Variants in SEMA5A observed in about 807,000 individuals in gnomAD.
The protein encoded by SEMA5A is semaphorin 5A, also known as semaphorin-5A.
SEMA5A carries 55 observed loss-of-function variants against 135.5 expected under a neutral mutation model. The ratio of observed to expected loss-of-function variants is 0.41; its 90% confidence interval spans 0.33 to 0.51. The LOEUF is 0.51. Ranked by LOEUF, SEMA5A falls within the 20% of genes least tolerant of loss-of-function variation. SEMA5A has a pLI of 0.37. For synonymous variants in SEMA5A, 580 were observed against 546.5 expected (o/e 1.06, Z -0.85); for missense variants, 1,290 against 1,419.9 (o/e 0.91, Z 1.47).
chr5:9,442,891 C>A (rs902199186), intron 1 of SEMA5A, among the ~76,000 whole-genome samples: 1 of 152,068 alleles, frequency 6.6e-6, no homozygotes, highest in Non-Finnish European at 1.5e-5. Flanking sequence ...AACTAAATGA[C>A]GAAAATCAGA....
At chr5:9,102,826 G>T (rs1282148843) in intron 16 of SEMA5A, among the ~76,000 whole-genome samples, 1 of 152,128 alleles carries the variant, frequency 6.6e-6, no homozygotes, top group Non-Finnish European at 1.5e-5. Flanking sequence ...GGCAGATGAG[G>T]CTATATGCAG....
intron 8 of SEMA5A, among the ~76,000 whole-genome samples, chr5:9,205,482 T>G (rs1745964179): frequency 6.6e-6 from 1 of 152,160 alleles, no homozygotes; most frequent in Non-Finnish European, 1.5e-5. Context: ...TTCTGTACCC[T>G]GTGTCTGTTC....
intron 3 of SEMA5A, among the ~76,000 whole-genome samples, chr5:9,363,761 C>G (rs1197061937): frequency 2.6e-5 from 4 of 152,178 alleles, no homozygotes; most frequent in African/African-American, 9.7e-5. Context: ...CTTGCCTCCC[C>G]TAAACATCAG....
At chr5:9,388,749 A>G (rs903040109) in intron 2 of SEMA5A, among the ~76,000 whole-genome samples, 3 of 152,076 alleles carry the variant, frequency 2.0e-5, no homozygotes, top group Non-Finnish European at 2.9e-5. Flanking sequence ...AATACAAAAA[A>G]TTAGCCGGGC....
At chr5:9,386,298 T>C (rs530377817) in intron 2 of SEMA5A, among the ~76,000 whole-genome samples, 22 of 152,026 alleles carry the variant, frequency 1.4e-4, no homozygotes, top group African/African-American at 5.3e-4. Context: ...AAAGATGGGG[T>C]CCAGTGCATG....
chr5:9,253,329 G>T (rs573255700), intron 5 of SEMA5A, among the ~76,000 whole-genome samples: 48 of 152,018 alleles, frequency 3.2e-4, no homozygotes, highest in African/African-American at 1.1e-3. Flanking sequence ...TTTACTCAAG[G>T]ACAGCTGATT....
intron 5 of SEMA5A, among the ~76,000 whole-genome samples, chr5:9,251,975 T>C (rs751845465): frequency 1.1e-4 from 17 of 152,168 alleles, no homozygotes; most frequent in Non-Finnish European, 2.2e-4. Context: ...ATGGATGGCC[T>C]GGGATTATGA....
chr5:9,503,041 G>A (rs1735676222), intron 1 of SEMA5A, among the ~76,000 whole-genome samples: 1 of 152,152 alleles, frequency 6.6e-6, no homozygotes, highest in Admixed American at 6.5e-5. Flanking sequence ...TGATAGCACA[G>A]GGAATACATG....
chr5:9,274,399 C>A (rs1750147242), intron 5 of SEMA5A, among the ~76,000 whole-genome samples: 1 of 152,248 alleles, frequency 6.6e-6, no homozygotes. Flanking sequence ...TATTTTAACA[C>A]CCCACAGTCA....
intron 5 of SEMA5A, among the ~76,000 whole-genome samples, chr5:9,291,610 A>C (rs1430568612): frequency 6.9e-6 from 1 of 144,284 alleles, no homozygotes; most frequent in Non-Finnish European, 1.6e-5. Flanking sequence ...AGAGAAAGAG[A>C]GAGAGAGAGA....
chr5:9,114,489 A>C (rs1349775193), intron 15 of SEMA5A, among the ~76,000 whole-genome samples: 1 of 152,170 alleles, frequency 6.6e-6, no homozygotes, highest in East Asian at 1.9e-4. Context: ...GTAAAAGCAC[A>C]GTAAAAACTT....
At chr5:9,510,294 A>C (rs990590223) in intron 1 of SEMA5A, among the ~76,000 whole-genome samples, 1 of 152,212 alleles carries the variant, frequency 6.6e-6, no homozygotes, top group African/African-American at 2.4e-5. Flanking sequence ...GACAGTAATA[A>C]TACAACAAAC....
At position 9,204,287 on chromosome 5, in the gene SEMA5A, G is replaced by A. The variant is rs1388013658; in HGVS notation, c.647-2047C>T. Reference sequence around the variant, plus strand: ...AAGGGTCCAAGTGTGTCTAGCCCGGGACTTAGGTTACCAGCACACATGCAG... The same window carrying A: ...AAGGGTCCAAGTGTGTCTAGCCCGGAACTTAGGTTACCAGCACACATGCAG... On this transcript the variant is annotated intron_variant, in intron 8 of 22. Coordinates refer to ENST00000382496, the MANE Select transcript of SEMA5A (RefSeq NM_003966.3). This position sits in a 1 kb window ranked among gnomAD's most constrained non-coding sequence, Gnocchi z 6.4. Among the ~76,000 whole-genome samples, 1 of 152,106 alleles carries A rather than the reference G, an allele frequency of 6.6e-6. No homozygotes were observed. Among genetic ancestry groups the A allele is most frequent in the Non-Finnish European group, 1.5e-5 (1 of 68,026 alleles).
In SEMA5A at chr5:9,036,799, CA is replaced by C. The variant is rs1477570954; in HGVS notation, c.*6097del. ...TCCTTCTAATTAGACCAATAATATC[CA>C]CATGAAATGATAAATGATCATCTTA... On this transcript the variant is annotated 3_prime_UTR_variant, in exon 23 of 23. Transcript: ENST00000382496. 6.6e-6 allele frequency: 1 copy of C among 152,462 alleles called. No individual in the cohort carries two copies. The highest frequency in any genetic ancestry group is 1.5e-5 in the Non-Finnish European group (1 of 68,018). 9.4% of individuals were successfully genotyped at this position (152,462 alleles called of 1,614,324 possible).
chr5:9,180,398 C>G (rs1744438836), intron 11 of SEMA5A, among the ~76,000 whole-genome samples: 1 of 152,016 alleles, frequency 6.6e-6, no homozygotes, highest in African/African-American at 2.4e-5. Flanking sequence ...TAATGTACCC[C>G]CTTCAGTTGA....
intron 11 of SEMA5A, among the ~76,000 whole-genome samples, chr5:9,165,602 T>C (rs1232954132): frequency 1.3e-5 from 2 of 152,206 alleles, no homozygotes; most frequent in Non-Finnish European, 2.9e-5. Flanking sequence ...TTATTTCCAG[T>C]TGTGCATTTG....
chr5:9,230,792 A>G (rs1362014286), intron 6 of SEMA5A, among the ~76,000 whole-genome samples: 2 of 152,184 alleles, frequency 1.3e-5, no homozygotes, highest in Non-Finnish European at 2.9e-5. Context: ...AGCCTTAACT[A>G]GAGGTCTGAG....
chr5:9,267,216 C>T (rs1458899609), intron 5 of SEMA5A, among the ~76,000 whole-genome samples: 1 of 151,742 alleles, frequency 6.6e-6, no homozygotes, highest in Non-Finnish European at 1.5e-5. Context: ...GGAAGAATTT[C>T]AGCTGAGAAG....
intron 1 of SEMA5A, among the ~76,000 whole-genome samples, chr5:9,443,289 C>G (rs1430577457): frequency 6.6e-6 from 1 of 151,418 alleles, no homozygotes; most frequent in Non-Finnish European, 1.5e-5. Context: ...GAGTGGGTGA[C>G]AGGAACAGAG....
Sources: allele counts gnomAD v4.1 joint callset (sites outside exome capture counted in the v4.1 genomes callset), GRCh38; gene constraint gnomAD v4.1.1; non-coding constraint Gnocchi (gnomAD v3.1); transcripts MANE v1.5; gene names NCBI Gene and HGNC (gene_info 2026-07-23, HGNC 2026-07-21).